ARID4B: variants seen among roughly 807,000 people sequenced by gnomAD.
ARID4B encodes AT-rich interactive domain-containing protein 4B.
A neutral mutation model predicts 147.5 loss-of-function variants in ARID4B; 26 were observed. That is an observed-to-expected ratio of 0.18 (90% CI 0.13 to 0.24). ARID4B has a LOEUF of 0.24. Among genes scored for constraint, ARID4B ranks in the 10% least tolerant of loss-of-function variants. The probability of loss-of-function intolerance (pLI) is 1.00; values close to 1 mark genes in which losing one functional copy is unlikely to be tolerated. For synonymous variants in ARID4B, 512 were observed against 507.9 expected, an observed-to-expected ratio of 1.01 and a Z score of -0.11; for missense variants, 1,179 against 1,511.5, an observed-to-expected ratio of 0.78 and a Z score of 3.65.
At chr1:235,292,938 G>A (rs1672433283) in intron 2 of ARID4B, among the ~76,000 whole-genome samples, 1 of 152,182 alleles carries the variant, frequency 6.6e-6, no homozygotes, top group South Asian at 2.1e-4. Context: ...AGCTCCGAGG[G>A]AAGGTTGTGG....
chr1:235,276,099 T>C lies in ARID4B; in HGVS notation c.7-15347A>G, dbSNP rs114264777. The stretch of plus-strand genomic sequence containing the variant: ...GCTGCAGCAAGCTGTGATCACACCA[T>C]TGCACTCCAGCCTAGGTGACAGACA... On this transcript the variant is annotated intron_variant, in intron 2 of 23. Transcript: ENST00000264183. Among the ~76,000 whole-genome samples the C allele has an allele frequency of 9.3e-3, 1,409 of 150,696 alleles. 22 individuals are homozygous for C. Among genetic ancestry groups the C allele is most frequent in the African/African-American group, 0.032 (1,308 of 40,898 alleles).
intron 8 of ARID4B, among the ~76,000 whole-genome samples, chr1:235,236,573 G>C (rs1468893845): frequency 1.3e-5 from 2 of 150,838 alleles, no homozygotes; most frequent in African/African-American, 4.9e-5. Flanking sequence ...GAGTGCTGTG[G>C]CACGGTCTCA....
chr1:235,180,137 C>CCT (rs1664210467), intron 20 of ARID4B: 2 of 98,540 alleles, frequency 2.0e-5, no homozygotes, highest in Admixed American at 2.3e-4. Flanking sequence ...CTTGTTTTTT[C>CCT]TTTTTTTTTT....
In ARID4B at chr1:235,181,381, A is replaced by T. The variant is rs902431967; in HGVS notation, c.3334+204T>A. ...ACAATAAAATGCCATGGATGGCTCA[A>T]GCAAAGCACATTAAAGCCTTCTCAA... is the stretch of plus-strand genomic sequence containing the variant. On this transcript the variant is annotated intron_variant, in intron 20 of 23. Coordinates refer to ENST00000264183, the MANE Select transcript of ARID4B (RefSeq NM_016374.6). 5.2e-6 allele frequency: 4 copies of T among 770,812 alleles called. No individual in the cohort carries two copies. In the East Asian group the frequency reaches 1.2e-4, roughly 23 times the overall value. The allele number at this position is 770,812 out of a possible 1,614,324, so 47.7% of individuals were successfully genotyped here. A position where few individuals can be genotyped will look rare whatever the true frequency, so the allele number is the denominator to read the frequency against.
chr1:235,241,476 C>G (rs1180889836), intron 7 of ARID4B, among the ~76,000 whole-genome samples: 3 of 151,922 alleles, frequency 2.0e-5, no homozygotes, highest in Non-Finnish European at 2.9e-5. Context: ...AACCGTCATG[C>G]CTTTATATTT....
chr1:235,311,211 C>A (rs915935968), intron 2 of ARID4B, among the ~76,000 whole-genome samples: 23 of 151,854 alleles, frequency 1.5e-4, no homozygotes, highest in South Asian at 1.0e-3. Context: ...AAAAAATCAA[C>A]CTATGGTGAC....
chr1:235,307,035 C>T (rs997931383), intron 2 of ARID4B, among the ~76,000 whole-genome samples: 3 of 152,048 alleles, frequency 2.0e-5, no homozygotes, highest in Admixed American at 2.0e-4. Flanking sequence ...AGAAAAACTA[C>T]AATTGGAAAG....
At chr1:235,309,539 G>A (rs1378448857) in intron 2 of ARID4B, among the ~76,000 whole-genome samples, 9 of 149,074 alleles carry the variant, frequency 6.0e-5, no homozygotes, top group Admixed American at 3.3e-4. Flanking sequence ...CGCCCCGTCC[G>A]GGAGGGAGGT....
chr1:235,167,013 T>TA lies in ARID4B; in HGVS notation c.*1511dup, dbSNP rs1371040260. 1.1e-5 allele frequency: 2 copies of TA among 181,860 alleles called. No homozygotes were observed. Among genetic ancestry groups the TA allele is most frequent in the Non-Finnish European group, 2.4e-5 (2 of 85,034 alleles). The allele number at this position is 181,860 out of a possible 1,614,324, so 11.3% of individuals were successfully genotyped here. A position where few individuals can be genotyped will look rare whatever the true frequency, so the allele number is the denominator to read the frequency against. On this transcript the variant is annotated 3_prime_UTR_variant, in exon 24 of 24. Coordinates refer to ENST00000264183, the MANE Select transcript of ARID4B (RefSeq NM_016374.6). ...TATATACTTTATAGCTTTTATTCTA[T>TA]AAGCTTTTTTCTTCAACATTTTGCT... is the stretch of plus-strand genomic sequence containing the variant.
At chr1:235,244,258 A>G (rs1317377048) in intron 7 of ARID4B, among the ~76,000 whole-genome samples, 2 of 152,208 alleles carry the variant, frequency 1.3e-5, no homozygotes, top group African/African-American at 4.8e-5. Flanking sequence ...GGGGAAAAAT[A>G]TAACAGCAAA....
chr1:235,223,353 T>TTATACATATATACACGTATATA, intron 12 of ARID4B, 93 bp from the exon 13 acceptor site: 1 of 256,622 alleles, frequency 3.9e-6, no homozygotes, highest in Non-Finnish European at 6.5e-6. Flanking sequence ...TTATAGTATT[T>TTATACATATATACACGTATATA]TATATATATA....
chr1:235,225,543 T>G (rs1667773028), intron 11 of ARID4B, among the ~76,000 whole-genome samples: 1 of 152,150 alleles, frequency 6.6e-6, no homozygotes, highest in Non-Finnish European at 1.5e-5. Flanking sequence ...CACCTGTAAG[T>G]GTAGGTACTA....
In ARID4B at chr1:235,194,069, G is replaced by A. The variant is rs146821370; in HGVS notation, c.2069C>T (p.Ser690Phe). The change falls in exon 19 of 24, where the codon TCT (serine) becomes TTT (phenylalanine). Residue 690 changes from serine (S) to phenylalanine (F), a missense_variant. Physicochemically the swap from Ser to Phe is radical, Grantham distance 155. Transcript: ENST00000264183. ...TATGGACTTAATATGAGCAGTATCAGAGTTTTTGGCATCAGTGAGATCCAG... is the reference window on the plus strand; with the variant it reads ...TATGGACTTAATATGAGCAGTATCAAAGTTTTTGGCATCAGTGAGATCCAG... ...SKLDLTDAKN[S>F]DTAHIKSIEI... The A allele has an allele frequency of 1.2e-6, 2 of 1,612,836 alleles. No individual in the cohort carries two copies. Among genetic ancestry groups the A allele is most frequent in the African/African-American group, 2.7e-5 (2 of 74,896 alleles).
chr1:235,242,572 G>C (rs184646765), intron 7 of ARID4B, among the ~76,000 whole-genome samples: 1 of 152,276 alleles, frequency 6.6e-6, no homozygotes, highest in East Asian at 1.9e-4. Flanking sequence ...TCTATTATCA[G>C]TAGCAGCTAG....
chr1:235,201,836 A>T (rs1571962346), intron 17 of ARID4B, among the ~76,000 whole-genome samples: 1 of 151,988 alleles, frequency 6.6e-6, no homozygotes, highest in East Asian at 1.9e-4. Flanking sequence ...GTGAGCCAAG[A>T]CTGCACTACT....
At chr1:235,300,228 C>T (rs2103242667) in intron 2 of ARID4B, among the ~76,000 whole-genome samples, 1 of 152,212 alleles carries the variant, frequency 6.6e-6, no homozygotes, top group Middle Eastern at 3.4e-3. Context: ...ACACCCTGGC[C>T]AACATGGCAA....
At position 235,182,770 on chromosome 1, in the gene ARID4B, T is replaced by G. The variant is rs1436926947; in HGVS notation, c.2149A>C (p.Ser717Arg). The part of the protein sequence containing the change: ...LQASESSAED[S>R]EQEDERGAQD... ...GCACCTCTCTCATCTTCCTGCTCAC[T>G]GTCTTCAGCAGAACTTTCAGAAGCT... The change falls in exon 20 of 24, where the codon AGT (serine) becomes CGT (arginine). Residue 717 changes from serine (S) to arginine (R), a missense_variant. Coordinates refer to ENST00000264183, the MANE Select transcript of ARID4B (RefSeq NM_016374.6). The G allele has an allele frequency of 6.3e-7, 1 of 1,589,650 alleles. No individual in the cohort carries two copies. The highest frequency in any genetic ancestry group is 8.5e-7 in the Non-Finnish European group (1 of 1,170,214).
Position 235,263,172 on chromosome 1 carries a change from C to G in ARID4B, c.7-2420G>C, listed in dbSNP as rs139309326. Among the ~76,000 whole-genome samples the G allele has an allele frequency of 2.8e-4, 42 of 152,012 alleles. No individual in the cohort carries two copies. In the East Asian group the frequency reaches 8.1e-3, roughly 29 times the overall value. On this transcript the variant is annotated intron_variant, in intron 2 of 23. Transcript: ENST00000264183. ...GTAAAATTTTATTTTCAGAGACAAACAGTATAGTTAAAAATAAATTAAAAC... is the reference window on the plus strand; with the variant it reads ...GTAAAATTTTATTTTCAGAGACAAAGAGTATAGTTAAAAATAAATTAAAAC...
intron 6 of ARID4B, among the ~76,000 whole-genome samples, chr1:235,250,698 A>G (rs577601298): frequency 5.3e-5 from 8 of 152,278 alleles, no homozygotes; most frequent in Non-Finnish European, 8.8e-5. Context: ...TTGAAGAATC[A>G]CACACCAGTA....
Sources: gnomAD v4.1 joint callset for allele counts (sites outside exome capture counted in the v4.1 genomes callset) on GRCh38, gnomAD v4.1.1 for gene constraint, MANE v1.5 for transcripts, NCBI Gene and HGNC (gene_info 2026-07-23, HGNC 2026-07-21) for gene names.